Variants in DRC8 observed in about 807,000 individuals in gnomAD.
DRC8 encodes the protein dynein regulatory complex protein 8.
the DRC8 span, among the ~76,000 whole-genome samples, chr1:245,085,938 T>C: frequency 6.6e-6 from 1 of 152,224 alleles, no homozygotes; most frequent in African/African-American, 2.4e-5. Flanking sequence ...GAATCCAAAG[T>C]ACCACCAAGG....
the DRC8 span, among the ~76,000 whole-genome samples, chr1:244,980,645 A>G: frequency 6.6e-6 from 1 of 152,216 alleles, no homozygotes; most frequent in Non-Finnish European, 1.5e-5. Context: ...TGATTGGGTA[A>G]CAAAGAATAA....
the DRC8 span, among the ~76,000 whole-genome samples, chr1:245,066,912 GA>G: frequency 1.3e-5 from 2 of 149,732 alleles, no homozygotes; most frequent in African/African-American, 2.5e-5. Flanking sequence ...ATCTCAAAAA[GA>G]AAAAAAAATC....
At chr1:245,076,960 C>T in the DRC8 span, among the ~76,000 whole-genome samples, 5 of 152,142 alleles carry the variant, frequency 3.3e-5, no homozygotes, top group African/African-American at 4.8e-5. Flanking sequence ...CTCCTGACCT[C>T]GTGATCCGCC....
the DRC8 span, among the ~76,000 whole-genome samples, chr1:245,100,324 G>A: frequency 6.6e-6 from 1 of 152,068 alleles, no homozygotes; most frequent in Non-Finnish European, 1.5e-5. Context: ...GGCGGAGGTT[G>A]CAGTGAGCCA....
At chr1:245,039,194 A>G in the DRC8 span, among the ~76,000 whole-genome samples, 1 of 149,924 alleles carries the variant, frequency 6.7e-6, no homozygotes, top group Non-Finnish European at 1.5e-5. Flanking sequence ...ACAGTGAAAT[A>G]CTATCCAGTA....
At chr1:245,062,499 G>T in the DRC8 span, among the ~76,000 whole-genome samples, 2 of 152,268 alleles carry the variant, frequency 1.3e-5, no homozygotes, top group South Asian at 4.1e-4. Flanking sequence ...GCTGGGAGGA[G>T]ATAATGGCAT....
At chr1:245,062,323 A>T in the DRC8 span, among the ~76,000 whole-genome samples, 1 of 152,232 alleles carries the variant, frequency 6.6e-6, no homozygotes, top group Non-Finnish European at 1.5e-5. Context: ...TGCAGTTTAT[A>T]TTCTATAAAT....
the DRC8 span, among the ~76,000 whole-genome samples, chr1:244,997,525 CTTTTTTT>C: frequency 7.9e-6 from 1 of 126,738 alleles, no homozygotes; most frequent in Non-Finnish European, 1.7e-5. Flanking sequence ...TTCGTGCCAT[CTTTTTTT>C]TTTTTTTTTT....
chr1:245,008,965 G>A, the DRC8 span, among the ~76,000 whole-genome samples: 2 of 151,298 alleles, frequency 1.3e-5, no homozygotes, highest in Non-Finnish European at 2.9e-5. Context: ...TAGGATTAGA[G>A]GCATGAGTCA....
the DRC8 span, among the ~76,000 whole-genome samples, chr1:245,011,625 T>C: frequency 6.6e-6 from 1 of 152,230 alleles, no homozygotes; most frequent in Non-Finnish European, 1.5e-5. Context: ...TTAGGGATGG[T>C]TAACTTGTAT....
At chr1:244,976,876 G>T in the DRC8 span, among the ~76,000 whole-genome samples, 22 of 152,354 alleles carry the variant, frequency 1.4e-4, no homozygotes, top group Non-Finnish European at 2.5e-4. Context: ...TAGGTAAAAG[G>T]TGGAAGCAAG....
At chr1:245,046,166 T>G in the DRC8 span, among the ~76,000 whole-genome samples, 1 of 152,364 alleles carries the variant, frequency 6.6e-6, no homozygotes, top group South Asian at 2.1e-4. Context: ...ATATTTTTGT[T>G]TCATTTTCTA....
chr1:244,970,817 G>A, the DRC8 span: 1 of 337,242 alleles, frequency 3.0e-6, no homozygotes, highest in Non-Finnish European at 5.4e-6. Flanking sequence ...CTTGCATCCT[G>A]CGCGGGCTGC....
chr1:245,056,642 A>G, the DRC8 span, among the ~76,000 whole-genome samples: 5 of 152,352 alleles, frequency 3.3e-5, no homozygotes, highest in East Asian at 5.8e-4. Flanking sequence ...TGTTGGAAGA[A>G]AAACTTTAGA....
the DRC8 span, among the ~76,000 whole-genome samples, chr1:245,081,311 A>G: frequency 6.6e-6 from 1 of 151,064 alleles, no homozygotes; most frequent in African/African-American, 2.4e-5. Context: ...ACAGGCGCCC[A>G]CCACCATGCC....
chr1:244,981,140 C>A, the DRC8 span, among the ~76,000 whole-genome samples: 1 of 152,014 alleles, frequency 6.6e-6, no homozygotes, highest in African/African-American at 2.4e-5. Flanking sequence ...GCCGAGATCA[C>A]GCCATTGCAC....
chr1:245,118,065 C>A, the DRC8 span, among the ~76,000 whole-genome samples: 1 of 152,140 alleles, frequency 6.6e-6, no homozygotes, highest in Non-Finnish European at 1.5e-5. Context: ...CCTGAGAATT[C>A]CATTACTCAA....
chr1:245,083,903 AT>A, the DRC8 span: 1 of 545,408 alleles, frequency 1.8e-6, no homozygotes, highest in African/African-American at 1.9e-5. Context: ...GTCTCGTAGA[AT>A]TTTGTGAAGC....
At chr1:245,030,487 A>G in the DRC8 span, among the ~76,000 whole-genome samples, 2 of 152,154 alleles carry the variant, frequency 1.3e-5, no homozygotes, top group Non-Finnish European at 2.9e-5. Context: ...GAATAGCAAA[A>G]AGTCCCCTCA....
Sources: gnomAD v4.1 joint callset for allele counts (sites outside exome capture counted in the v4.1 genomes callset) on GRCh38, gnomAD v4.1.1 for gene constraint, MANE v1.5 for transcripts, NCBI Gene and HGNC (gene_info 2026-07-23, HGNC 2026-07-21) for gene names.